The following UBR1 variants were observed in gnomAD, a reference collection of about 807,000 sequenced individuals.
UBR1 encodes the protein ubiquitin protein ligase E3 component n-recognin 1.
Under a neutral mutation model 242.1 loss-of-function variants are expected in UBR1, and 102 were observed. The observed-to-expected ratio is 0.42, with a 90% CI of 0.36 to 0.50. The LOEUF is 0.50. Among genes scored for constraint, UBR1 ranks in the 20% least tolerant of loss-of-function variants. The probability of loss-of-function intolerance (pLI) is 0.01; values close to 1 mark genes in which losing one functional copy is unlikely to be tolerated. For synonymous variants in UBR1, 675 were observed against 684.8 expected (o/e 0.99, Z 0.22); for missense variants, 1,772 against 2,101.8 (o/e 0.84, Z 3.07).
intron 29 of UBR1, among the ~76,000 whole-genome samples, chr15:43,010,712 C>T (rs1199930538): frequency 3.3e-5 from 5 of 150,652 alleles, no homozygotes; most frequent in Non-Finnish European, 5.9e-5. Flanking sequence ...TAGCTCACGC[C>T]TTGTAATCCC....
At chr15:43,013,216 T>C (rs751002480) in intron 29 of UBR1, among the ~76,000 whole-genome samples, 45 of 152,304 alleles carry the variant, frequency 3.0e-4, no homozygotes, top group Non-Finnish European at 5.7e-4. Flanking sequence ...TCAACACATA[T>C]TGTTTTAAAC....
chr15:43,041,080 A>G (rs1474162313), intron 15 of UBR1, among the ~76,000 whole-genome samples: 5 of 152,230 alleles, frequency 3.3e-5, no homozygotes, highest in Non-Finnish European at 7.3e-5. Context: ...TGACCCAGCA[A>G]TCCCATTACT....
At chr15:43,095,338 G>A (rs1275371147) in intron 1 of UBR1, among the ~76,000 whole-genome samples, 2 of 152,166 alleles carry the variant, frequency 1.3e-5, no homozygotes, top group African/African-American at 4.8e-5. Flanking sequence ...GTTCTGAAGA[G>A]TGGCATTAAG....
At chr15:42,996,601 A>T (rs2032643409) in intron 33 of UBR1, among the ~76,000 whole-genome samples, 1 of 151,952 alleles carries the variant, frequency 6.6e-6, no homozygotes, top group African/African-American at 2.4e-5. Flanking sequence ...CAAAAAAACA[A>T]CAAACCCCCC....
chr15:43,077,694 T>TA (rs1004151720), intron 3 of UBR1, among the ~76,000 whole-genome samples: 5 of 141,462 alleles, frequency 3.5e-5, no homozygotes, highest in East Asian at 4.2e-4. Context: ...AAAAATAAAA[T>TA]AAAAAAACTC....
intron 44 of UBR1, among the ~76,000 whole-genome samples, chr15:42,956,607 T>C (rs935679968): frequency 1.3e-5 from 2 of 152,244 alleles, no homozygotes; most frequent in Non-Finnish European, 2.9e-5. Flanking sequence ...ATTACAGGCA[T>C]GAGCCACTGT....
chr15:42,944,924 T>G lies in UBR1; in HGVS notation c.*405A>C, dbSNP rs1486317693. 4.4e-6 allele frequency: 1 copy of G among 229,614 alleles called. No individual in the cohort carries two copies. Among genetic ancestry groups the G allele is most frequent in the Non-Finnish European group, 8.7e-6 (1 of 114,816 alleles). The allele number at this position is 229,614 out of a possible 1,614,324, so 14.2% of individuals were successfully genotyped here. On this transcript the variant is annotated 3_prime_UTR_variant, in exon 47 of 47. Coordinates refer to ENST00000290650, the MANE Select transcript of UBR1 (RefSeq NM_174916.3). The stretch of plus-strand genomic sequence containing the variant: ...GGAAGACTATCACAGATTATTAGAA[T>G]TTTGTCAGTGATCCAATGTCAGTTG...
intron 1 of UBR1, among the ~76,000 whole-genome samples, chr15:43,094,902 G>A (rs1456035171): frequency 3.3e-5 from 5 of 152,096 alleles, no homozygotes; most frequent in Admixed American, 2.6e-4. Flanking sequence ...TAACGTATAA[G>A]CATGCTGTCA....
chr15:43,005,641 G>A (rs2032812545), intron 30 of UBR1, among the ~76,000 whole-genome samples: 1 of 152,248 alleles, frequency 6.6e-6, no homozygotes, highest in Non-Finnish European at 1.5e-5. Context: ...CGGTTTTGTG[G>A]AATAGAAAAG....
intron 27 of UBR1, among the ~76,000 whole-genome samples, chr15:43,018,540 A>G (rs891155806): frequency 1.3e-5 from 2 of 151,970 alleles, no homozygotes; most frequent in East Asian, 1.9e-4. Flanking sequence ...GGCGCACACC[A>G]CCATACCCTT....
chr15:42,949,591 G>T (rs980112446), intron 46 of UBR1, among the ~76,000 whole-genome samples: 19 of 97,428 alleles, frequency 2.0e-4, no homozygotes, highest in Non-Finnish European at 5.1e-4. Flanking sequence ...TTGAGGTCAG[G>T]AATTCCAGAC....
At chr15:43,018,964 ACTTTCGTTTGATT>A (rs1297186581) in intron 27 of UBR1, among the ~76,000 whole-genome samples, 7 of 152,360 alleles carry the variant, frequency 4.6e-5, no homozygotes, top group African/African-American at 1.7e-4. Flanking sequence ...ATAGTTACCT[ACTTTCGTTTGATT>A]TTATAATCTT....
chr15:43,033,507 G>A (rs7163266), intron 19 of UBR1, among the ~76,000 whole-genome samples: 4 of 151,964 alleles, frequency 2.6e-5, no homozygotes, highest in African/African-American at 9.7e-5. Flanking sequence ...AGCCAGGCAT[G>A]GTGGCATGCG....
At chr15:43,054,211 C>T (rs2033589899) in intron 12 of UBR1, among the ~76,000 whole-genome samples, 1 of 151,824 alleles carries the variant, frequency 6.6e-6, no homozygotes, top group Admixed American at 6.6e-5. Context: ...ATTTGCCAGG[C>T]ATGGTGGCAC....
intron 6 of UBR1, among the ~76,000 whole-genome samples, chr15:43,065,608 T>C (rs2033743060): frequency 6.6e-6 from 1 of 152,152 alleles, no homozygotes; most frequent in African/African-American, 2.4e-5. Flanking sequence ...GCATGCAGTG[T>C]TTGGTTTTCT....
chr15:42,951,486 G>A (rs1938483828), intron 45 of UBR1, among the ~76,000 whole-genome samples: 1 of 152,158 alleles, frequency 6.6e-6, no homozygotes, highest in African/African-American at 2.4e-5. Flanking sequence ...GCCTCCCAAA[G>A]TGTTGGGATT....
chr15:43,036,095 TAAATATGACTGAAATA>T lies in UBR1; in HGVS notation c.2190+67_2190+82del, dbSNP rs537476548. The T allele has an allele frequency of 1.4e-4, 180 of 1,260,664 alleles. No homozygotes were observed. In the African/African-American group the frequency reaches 2.2e-3, roughly 15 times the overall value. The allele number at this position is 1,260,664 out of a possible 1,614,324, so 78.1% of individuals were successfully genotyped here. ...AAAGTATAATTTTAAAAAATATGGC[TAAATATGACTGAAATA>T]AAATATGACTGAAATAGTAACAATA... On this transcript the variant is annotated intron_variant, in intron 19 of 46. Coordinates refer to ENST00000290650, the MANE Select transcript of UBR1 (RefSeq NM_174916.3).
At chr15:43,099,873 G>T (rs2034207543) in intron 1 of UBR1, among the ~76,000 whole-genome samples, 1 of 151,246 alleles carries the variant, frequency 6.6e-6, no homozygotes, top group South Asian at 2.1e-4. Context: ...ACACACAAGA[G>T]GTGCCTCTTT....
In UBR1 at chr15:42,977,900, T is replaced by C. The variant is rs761074877; in HGVS notation, c.4198A>G (p.Ile1400Val). The change falls in exon 38 of 47, where the codon ATA (isoleucine) becomes GTA (valine). Residue 1400 changes from isoleucine to valine, a missense_variant. Ile to Val is a conservative substitution (Grantham distance 29). Transcript: ENST00000290650. Reference protein sequence around the residue: ...KSEDTPCLLSIDLFHVLVGAV... With the variant: ...KSEDTPCLLSVDLFHVLVGAV... ...CTTACCAAAACATGAAACAGATCTA[T>C]AGACAGAAGGCATGGTGTATCTTCT... 1.1e-5 allele frequency: 17 copies of C among 1,613,134 alleles called. No homozygotes were observed. In the Middle Eastern group the frequency reaches 5.0e-4, roughly 47 times the overall value.
Sources: gnomAD v4.1 joint callset for allele counts (sites outside exome capture counted in the v4.1 genomes callset) on GRCh38, gnomAD v4.1.1 for gene constraint, MANE v1.5 for transcripts, NCBI Gene and HGNC (gene_info 2026-07-23, HGNC 2026-07-21) for gene names.